Variants in PLSCR2 observed in about 807,000 individuals in gnomAD.
PLSCR2 encodes phospholipid scramblase 2, also known as PL scramblase 2.
A neutral mutation model predicts 25.3 loss-of-function variants in PLSCR2; 18 were observed. That is an observed-to-expected ratio of 0.71 (90% confidence interval 0.49 to 1.06). PLSCR2 has a LOEUF of 1.06. Ranked by LOEUF, PLSCR2 falls within the 50% of genes least tolerant of loss-of-function variation. The pLI, the probability that PLSCR2 is intolerant of heterozygous loss-of-function variation, is 0.00. For missense variants in PLSCR2, 243 were observed against 269.5 expected (o/e 0.90, Z 0.69); for synonymous variants, 88 against 87.3 (o/e 1.01, Z -0.04).
At chr3:146,463,524 C>T (rs891486707), upstream of PLSCR2, among the ~76,000 whole-genome samples, 6 of 152,176 alleles carry the variant, frequency 3.9e-5, no homozygotes, top group African/African-American at 1.4e-4. Flanking sequence ...CCTTCTGATG[C>T]CTTGACCCCA....
chr3:146,464,028 G>A, upstream of PLSCR2: 1 of 950,288 alleles, frequency 1.1e-6, no homozygotes, highest in Non-Finnish European at 1.3e-6. Context: ...TTGTGTTACT[G>A]ATTTAACTTC....
At chr3:146,494,774 T>C (rs2043687063) in intron 1 of PLSCR2, 2 of 152,328 alleles carry the variant, frequency 1.3e-5, no homozygotes, top group East Asian at 1.9e-4. Flanking sequence ...AGAAGGAATA[T>C]GATTTTGCAT....
intron 6 of PLSCR2, among the ~76,000 whole-genome samples, chr3:146,442,297 A>G (rs1370251465): frequency 6.6e-6 from 1 of 152,096 alleles, no homozygotes; most frequent in Non-Finnish European, 1.5e-5. Context: ...TGAAAACTGT[A>G]AGACAAACTG....
chr3:146,407,487 G>A (rs948680910), intron 2 of PLSCR2, among the ~76,000 whole-genome samples: 3 of 152,164 alleles, frequency 2.0e-5, no homozygotes, highest in East Asian at 1.9e-4. Context: ...TCTCGGAGAC[G>A]GTGGCCTGGG....
intron 1 of PLSCR2, among the ~76,000 whole-genome samples, chr3:146,471,444 T>A (rs1451009194): frequency 6.6e-6 from 1 of 152,214 alleles, no homozygotes; most frequent in Non-Finnish European, 1.5e-5. Flanking sequence ...ACAGTTTTAT[T>A]CTGTGATTTG....
chr3:146,418,384 C>T (rs893184869), intron 2 of PLSCR2, among the ~76,000 whole-genome samples: 6 of 152,112 alleles, frequency 3.9e-5, no homozygotes, highest in African/African-American at 9.7e-5. Context: ...AATCTTGCAT[C>T]GGTTGTGACT....
chr3:146,478,414 A>T (rs1004099852), intron 1 of PLSCR2, among the ~76,000 whole-genome samples: 1 of 152,224 alleles, frequency 6.6e-6, no homozygotes, highest in Admixed American at 6.5e-5. Context: ...TGATGGAGGT[A>T]AAAACCATGG....
At chr3:146,461,819 G>A, upstream of PLSCR2, 2 of 844,976 alleles carry the variant, frequency 2.4e-6, no homozygotes, top group Admixed American at 2.0e-5. Flanking sequence ...TATCCCAGGT[G>A]TCATTGATAA....
At chr3:146,455,353 A>C in exon 4 of PLSCR2, 1 of 1,613,692 alleles carries the variant, frequency 6.2e-7, no homozygotes, top group Non-Finnish European at 8.5e-7. Context: ...TAGACCGCCC[A>C]CAGCAATTTC....
chr3:146,427,563 A>G (rs942564519), intron 2 of PLSCR2, among the ~76,000 whole-genome samples: 1 of 152,124 alleles, frequency 6.6e-6, no homozygotes, highest in Non-Finnish European at 1.5e-5. Flanking sequence ...CAAGAATACA[A>G]AGCTAATGGT....
intron 2 of PLSCR2, among the ~76,000 whole-genome samples, chr3:146,413,446 C>T (rs939769500): frequency 6.6e-6 from 1 of 152,062 alleles, no homozygotes; most frequent in South Asian, 2.1e-4. Flanking sequence ...CCTCTTGTAT[C>T]TTACTATAAG....
chr3:146,422,670 G>A, intron 2 of PLSCR2, among the ~76,000 whole-genome samples: 1 of 152,110 alleles, frequency 6.6e-6, no homozygotes, highest in Non-Finnish European at 1.5e-5. Context: ...GAAACAAGAA[G>A]ACAGATTCTT....
chr3:146,455,152 A>C (rs2041127850), intron 4 of PLSCR2, 87 bp downstream of exon 4: 1 of 872,720 alleles, frequency 1.1e-6, no homozygotes, highest in Non-Finnish European at 1.8e-6. Context: ...TATTCATTTA[A>C]ATTTCATTTG....
At chr3:146,458,670 T>G (rs2041366776) in intron 2 of PLSCR2, among the ~76,000 whole-genome samples, 1 of 152,094 alleles carries the variant, frequency 6.6e-6, no homozygotes, top group Non-Finnish European at 1.5e-5. Flanking sequence ...ATTATAGTTG[T>G]AAATTTAGGT....
chr3:146,493,365 CCTGTTG>C (rs1161232352), intron 1 of PLSCR2, among the ~76,000 whole-genome samples: 1 of 151,998 alleles, frequency 6.6e-6, no homozygotes, highest in Non-Finnish European at 1.5e-5. Flanking sequence ...GAACAATATC[CCTGTTG>C]TAAAACCCCT....
intron 2 of PLSCR2, among the ~76,000 whole-genome samples, chr3:146,405,071 G>A (rs2038618387): frequency 6.6e-6 from 1 of 152,054 alleles, no homozygotes; most frequent in Non-Finnish European, 1.5e-5. Context: ...CGTTTATTTA[G>A]CTGGCGGCCA....
intron 1 of PLSCR2, 75 bp from the exon 2 acceptor site, chr3:146,460,158 ATC>A: frequency 1.5e-6 from 2 of 1,378,040 alleles, no homozygotes; most frequent in Non-Finnish European, 1.9e-6. Flanking sequence ...AACCCCAGTT[ATC>A]TACAAACTGA....
intron 2 of PLSCR2, among the ~76,000 whole-genome samples, chr3:146,424,537 T>A (rs1199652273): frequency 6.6e-6 from 1 of 152,172 alleles, no homozygotes; most frequent in East Asian, 1.9e-4. Context: ...TAGATGGTTA[T>A]GCCAGCAATA....
chr3:146,432,056 T>G (rs901159401), downstream of PLSCR2, among the ~76,000 whole-genome samples: 9 of 152,184 alleles, frequency 5.9e-5, no homozygotes, highest in African/African-American at 2.2e-4. Context: ...AAAATGTTAC[T>G]CATTTTCCCT....
Sources: gnomAD v4.1 joint callset for allele counts (sites outside exome capture counted in the v4.1 genomes callset) on GRCh38, gnomAD v4.1.1 for gene constraint, MANE v1.5 for transcripts, NCBI Gene and HGNC (gene_info 2026-07-23, HGNC 2026-07-21) for gene names.